Variants in FBRS observed in about 807,000 individuals in gnomAD.
FBRS encodes the protein probable fibrosin-1.
Under a neutral mutation model 86.1 loss-of-function variants are expected in FBRS, and 15 were observed. That is an observed-to-expected ratio of 0.17 (90% CI 0.12 to 0.27). The LOEUF (loss-of-function observed/expected upper bound fraction) is 0.27. Ranked by LOEUF, FBRS falls within the 10% of genes least tolerant of loss-of-function variation. FBRS has a pLI of 1.00. For missense variants in FBRS, 1,367 were observed against 1,301.6 expected (o/e 1.05, Z -0.77); for synonymous variants, 666 against 575.8 (o/e 1.16, Z -2.24).
chr16:30,666,539 A>C lies in FBRS; in HGVS notation c.1801A>C (p.Arg601=), dbSNP rs2052524122. 1 of 1,613,672 alleles carries C rather than the reference A, an allele frequency of 6.2e-7. No individual in the cohort carries two copies. Among genetic ancestry groups the C allele is most frequent in the Admixed American group, 1.7e-5 (1 of 59,982 alleles). Residue 601 remains arginine, a splice_region_variant and synonymous_variant, in exon 12 of 18, where the codon AGG becomes CGG. Transcript: ENST00000356166. ...CCCCGACCATTTCCGGCCACCTTTG[A>C]GGGTGAGTTGTGTGAGGACCTCAGG... ...QIPDHFRPPL[R]KPGKWCAMHV... is the part of the protein sequence containing the mutation.
Position 30,662,625 on chromosome 16 carries a change from C to T in FBRS, c.821C>T (p.Ser274Leu). Reference protein sequence around the residue: ...EAKLSVVPKVSGLERSQEQPP... With the variant: ...EAKLSVVPKVLGLERSQEQPP... ...AAACTCTCCGTGGTCCCTAAAGTGT[C>T]GGGCCTGGAGCGGAGCCAAGAACAG... The change falls in exon 6 of 18, where the codon TCG becomes TTG. Residue 274 changes from serine (S) to leucine (L), a missense_variant. Transcript: ENST00000356166. 1.9e-6 allele frequency: 3 copies of T among 1,544,378 alleles called. No homozygotes were observed. The highest frequency in any genetic ancestry group is 1.2e-5 in the South Asian group (1 of 83,532).
In FBRS at chr16:30,670,299, TGAC is replaced by T. The variant is rs1190845007; in HGVS notation, c.*655_*657del. The T allele has an allele frequency of 2.3e-6, 1 of 431,518 alleles. No homozygotes were observed. Among genetic ancestry groups the T allele is most frequent in the Non-Finnish European group, 4.7e-6 (1 of 214,898 alleles). 26.7% of individuals were successfully genotyped at this position (431,518 alleles called of 1,614,324 possible). On this transcript the variant is annotated 3_prime_UTR_variant, in exon 18 of 18. Coordinates refer to ENST00000356166, the MANE Select transcript of FBRS (RefSeq NM_001105079.3). The stretch of plus-strand genomic sequence containing the variant: ...CTGGGAAGGTGGGGCCAGCAGGAGA[TGAC>T]CAACAGGGGGCAGGACCTGGGGACC...
rs550327247 is a variant in FBRS, at chr16:30,660,447, G to C, written c.639+5G>C. 4.8e-6 allele frequency: 6 copies of C among 1,257,964 alleles called. No individual in the cohort carries two copies. In the South Asian group the frequency reaches 2.2e-4, roughly 46 times the overall value. 77.9% of individuals were successfully genotyped at this position (1,257,964 alleles called of 1,614,324 possible). ...AATAAGCGGAGAAGAAAAGAGGTGAGGTTGTCCCTTAAAACTCTTTAGGCA... is the reference window on the plus strand; with the variant it reads ...AATAAGCGGAGAAGAAAAGAGGTGACGTTGTCCCTTAAAACTCTTTAGGCA... On this transcript the variant is annotated splice_donor_5th_base_variant and intron_variant, in intron 2 of 17. Transcript: ENST00000356166.
chr16:30,660,620 T>C lies in FBRS; in HGVS notation c.639+178T>C, dbSNP rs1596612904. On this transcript the variant is annotated intron_variant, in intron 2 of 17. Transcript: ENST00000356166. ...TGACGAAGGCCTGTCTACAGTCAGG[T>C]GCACCTCCTTTTGCCTGGTTCTGTG... The C allele has an allele frequency of 3.8e-6, 4 of 1,056,638 alleles. No homozygotes were observed. The Admixed American group carries it at 1.5e-4, about 41-fold the overall frequency. The allele number at this position is 1,056,638 out of a possible 1,614,324, so 65.5% of individuals were successfully genotyped here.
chr16:30,668,743 T>C (rs748165740), intron 16 of FBRS, 29 bp from the exon 17 acceptor site: 49 of 1,589,494 alleles, frequency 3.1e-5, no homozygotes, highest in Admixed American at 6.8e-5. Context: ...TTCTGGCCCC[T>C]GTCACTCTCT....
Position 30,665,873 on chromosome 16 carries a change from A to G in FBRS, c.1773+167A>G. ...CTGTAAATAGCTGGCTTTCCCAGGC[A>G]TGAGGAATGAGAGTTTCATGAGCTT... On this transcript the variant is annotated intron_variant, in intron 11 of 17. Coordinates refer to ENST00000356166, the MANE Select transcript of FBRS (RefSeq NM_001105079.3). The surrounding 1 kb of genome is among the most constrained non-coding windows in gnomAD (Gnocchi z 4.1). 1 of 606,610 alleles carries G rather than the reference A, an allele frequency of 1.6e-6. No individual in the cohort carries two copies. 37.6% of individuals were successfully genotyped at this position (606,610 alleles called of 1,614,324 possible).
Position 30,669,976 on chromosome 16 carries a change from G to A in FBRS, c.*331G>A, listed in dbSNP as rs2052576937. ...TAGGCCCTGGGCCTGCCTCCCCAAG[G>A]GCTCACTAAGCCAGAGGCCAAAGTG... On this transcript the variant is annotated 3_prime_UTR_variant, in exon 18 of 18. Transcript: ENST00000356166. The surrounding 1 kb of genome is among the most constrained non-coding windows in gnomAD (Gnocchi z 5.9). 7 of 520,222 alleles carry A rather than the reference G, an allele frequency of 1.3e-5. No homozygotes were observed. Among genetic ancestry groups the A allele is most frequent in the Middle Eastern group, 5.2e-4 (1 of 1,908 alleles). The allele number at this position is 520,222 out of a possible 1,614,324, so 32.2% of individuals were successfully genotyped here. A position where few individuals can be genotyped will look rare whatever the true frequency, so the allele number is the denominator to read the frequency against.
In FBRS at chr16:30,660,472, A is replaced by G. The variant is rs2052445641; in HGVS notation, c.639+30A>G. 7 of 1,256,346 alleles carry G rather than the reference A, an allele frequency of 5.6e-6. No homozygotes were observed. The East Asian group carries it at 2.2e-4, about 40-fold the overall frequency. 77.8% of individuals were successfully genotyped at this position (1,256,346 alleles called of 1,614,324 possible). On this transcript the variant is annotated intron_variant, in intron 2 of 17. Coordinates refer to ENST00000356166, the MANE Select transcript of FBRS (RefSeq NM_001105079.3). The stretch of plus-strand genomic sequence containing the variant: ...GGTTGTCCCTTAAAACTCTTTAGGC[A>G]GAATGTATTTCCCACAGCCCCGTTT...
chr16:30,664,790 G>T lies in FBRS; in HGVS notation c.1433G>T (p.Gly478Val). The change falls in exon 8 of 18, where the codon GGG (glycine) becomes GTG (valine). Residue 478 changes from glycine (G) to valine (V), a missense_variant. Transcript: ENST00000356166. ...AQGGPEVVGA[G>V]GSARPLAFQF... is the part of the protein sequence containing the mutation. ...GGTGGCCCTGAGGTGGTGGGGGCAG[G>T]GGGCTCGGCCCGGCCCCTGGCCTTC... 3.9e-6 allele frequency: 6 copies of T among 1,553,954 alleles called. No individual in the cohort carries two copies. Among genetic ancestry groups the T allele is most frequent in the Non-Finnish European group, 5.2e-6 (6 of 1,148,346 alleles).
intron 15 of FBRS, chr16:30,668,209 T>G (rs1596619653): frequency 3.6e-6 from 1 of 281,418 alleles, no homozygotes; most frequent in East Asian, 6.9e-5. Flanking sequence ...AGGCGGCTGG[T>G]GTTGGGGAGT....
rs746156246 is a variant in FBRS, at chr16:30,659,842, AGAG to A, written c.344_346del (p.Glu115del). The A allele has an allele frequency of 2.9e-3, 4,167 of 1,458,764 alleles. 4 individuals are homozygous for A. The highest frequency in any genetic ancestry group is 6.4e-3 in the African/African-American group (456 of 70,842). 90.4% of individuals were successfully genotyped at this position (1,458,764 alleles called of 1,614,324 possible). A position where few individuals can be genotyped will look rare whatever the true frequency, so the allele number is the denominator to read the frequency against. ...CCGGCTCGGGCAGCCGCGGGGAGGA[AGAG>A]GAGGAGGAGGAGGAGGAGGGGGGCG... On this transcript the variant is annotated inframe_deletion, in exon 1 of 18. Coordinates refer to ENST00000356166, the MANE Select transcript of FBRS (RefSeq NM_001105079.3).
chr16:30,668,564 C>T lies in FBRS; in HGVS notation c.2079C>T (p.Pro693=). 6 of 1,612,064 alleles carry T rather than the reference C, an allele frequency of 3.7e-6. No homozygotes were observed. The South Asian group carries it at 4.4e-5, about 12-fold the overall frequency. The change falls in exon 16 of 18, where the codon CCC becomes CCT. Residue 693 remains proline, a synonymous_variant. Coordinates refer to ENST00000356166, the MANE Select transcript of FBRS (RefSeq NM_001105079.3). ...PFLSPSTHID[P]FGRPTSFASL... The stretch of plus-strand genomic sequence containing the variant: ...CACCCCCCTTTCCTCCCACAGATCC[C>T]TTTGGGCGTCCCACAAGCTTCGCCT...
intron 11 of FBRS, chr16:30,666,219 C>T: frequency 1.7e-6 from 1 of 577,534 alleles, no homozygotes. Context: ...CCGCTATACT[C>T]TAAAGTTGGT....
chr16:30,668,620 G>A lies in FBRS; in HGVS notation c.2135G>A (p.Gly712Glu), dbSNP rs1230398573. Residue 712 changes from glycine to glutamate, a missense_variant, in exon 16 of 18, where the codon GGA becomes GAA. Transcript: ENST00000356166. ...GCTGCCCTCTCCAACGGGGCCTTTGGAGGCCTGGGCAGCCCCACATTCAGT... is the reference window on the plus strand; with the variant it reads ...GCTGCCCTCTCCAACGGGGCCTTTGAAGGCCTGGGCAGCCCCACATTCAGT... ...SLAALSNGAF[G>E]GLGSPTFNSG... 1.2e-6 allele frequency: 2 copies of A among 1,611,676 alleles called. No individual in the cohort carries two copies. Among genetic ancestry groups the A allele is most frequent in the Admixed American group, 1.7e-5 (1 of 59,940 alleles).
At chr16:30,660,690 A>G (rs1299893333) in intron 2 of FBRS, 12 of 574,968 alleles carry the variant, frequency 2.1e-5, no homozygotes, top group African/African-American at 9.7e-5. Context: ...TCAAAGGAAT[A>G]TAGTTGGGTC....
intron 11 of FBRS, chr16:30,666,266 C>G: frequency 1.7e-6 from 1 of 595,386 alleles, no homozygotes; most frequent in South Asian, 2.0e-5. Flanking sequence ...GTCCTGCCTG[C>G]CCCCTCACCA....
At chr16:30,666,673 AGT>A in intron 12 of FBRS, 132 bp downstream of exon 12, 2 of 1,456,352 alleles carry the variant, frequency 1.4e-6, no homozygotes. Context: ...AACAGCAGAG[AGT>A]GAGGGCTTTC....
In FBRS at chr16:30,667,398, C is replaced by A; in HGVS notation, c.1954C>A (p.Gln652Lys). 1 of 1,551,276 alleles carries A rather than the reference C, an allele frequency of 6.4e-7. No homozygotes were observed. Reference protein sequence around the residue: ...PGPYGALPPGQELSHPASLFT... With the variant: ...PGPYGALPPGKELSHPASLFT... Reference sequence around the variant, plus strand: ...GCCCTATGGGGCCCTGCCCCCTGGGCAGGAGCTCTCCCACCCGGCCTCCCT... The same window carrying A: ...GCCCTATGGGGCCCTGCCCCCTGGGAAGGAGCTCTCCCACCCGGCCTCCCT... The change falls in exon 14 of 18, where the codon CAG (glutamine) becomes AAG (lysine). Residue 652 changes from glutamine to lysine, a missense_variant. Around this residue, in one of 3 missense-constraint regions of FBRS, gnomAD observed 659 missense variants for 678.8 expected, o/e 0.97. Transcript: ENST00000356166.
In FBRS at chr16:30,659,754, C is replaced by T. The variant is rs1215139744; in HGVS notation, c.236C>T (p.Pro79Leu). ...SASSGERPGGPRRRRPRPRPR... is the reference protein window; with the variant it reads ...SASSGERPGGLRRRRPRPRPR... ...TCGTCTGGAGAGCGGCCTGGGGGCCCGAGACGCCGGCGGCCCCGTCCGAGA... is the reference window on the plus strand; with the variant it reads ...TCGTCTGGAGAGCGGCCTGGGGGCCTGAGACGCCGGCGGCCCCGTCCGAGA... The change falls in exon 1 of 18, where the codon CCG becomes CTG. Residue 79 changes from proline to leucine, a missense_variant. Physicochemically the swap from Pro to Leu is moderately conservative, Grantham distance 98. Around this residue, in one of 3 missense-constraint regions of FBRS, gnomAD observed 702 missense variants for 598.7 expected, o/e 1.17. Coordinates refer to ENST00000356166, the MANE Select transcript of FBRS (RefSeq NM_001105079.3). 5 of 1,403,906 alleles carry T rather than the reference C, an allele frequency of 3.6e-6. No homozygotes were observed. Among genetic ancestry groups the T allele is most frequent in the African/African-American group, 2.9e-5 (2 of 68,110 alleles). 87.0% of individuals were successfully genotyped at this position (1,403,906 alleles called of 1,614,324 possible). A position where few individuals can be genotyped will look rare whatever the true frequency, so the allele number is the denominator to read the frequency against.
Sources: allele counts gnomAD v4.1 joint callset, GRCh38; gene constraint gnomAD v4.1.1; regional missense constraint gnomAD v4.1.1; non-coding constraint Gnocchi (gnomAD v3.1); transcripts MANE v1.5; gene names NCBI Gene and HGNC (gene_info 2026-07-23, HGNC 2026-07-21).